Variants in TBCD observed in about 807,000 individuals in gnomAD.
TBCD encodes the protein tubulin-specific chaperone D.
In TBCD, 105 loss-of-function variants were observed where a neutral mutation model predicts 169.3. That is an observed-to-expected ratio of 0.62 (90% CI 0.53 to 0.73). TBCD has a LOEUF of 0.73. Ranked by LOEUF, TBCD falls within the 30% of genes least tolerant of loss-of-function variation. TBCD has a pLI of 0.00. For missense variants in TBCD, 1,444 were observed against 1,600.1 expected (o/e 0.90, Z 1.66); for synonymous variants, 700 against 643.9 (o/e 1.09, Z -1.32).
Position 82,860,594 on chromosome 17 carries a change from C to T in TBCD, c.1319-9630C>T, listed in dbSNP as rs1389842962. 7 of 281,690 alleles carry T rather than the reference C, an allele frequency of 2.5e-5. No homozygotes were observed. The Admixed American group carries it at 4.5e-4, about 18-fold the overall frequency. 17.4% of individuals were successfully genotyped at this position (281,690 alleles called of 1,614,324 possible). A position where few individuals can be genotyped will look rare whatever the true frequency, so the allele number is the denominator to read the frequency against. On this transcript the variant is annotated intron_variant, in intron 13 of 38. Transcript: ENST00000355528. ...GGCTGGCCACACTGGAATCCAGTGC[C>T]CACTGTGACAGTGGAGAGCCAGCAG...
At chr17:82,754,667 G>T (rs2047309075) in intron 1 of TBCD, among the ~76,000 whole-genome samples, 1 of 152,230 alleles carries the variant, frequency 6.6e-6, no homozygotes, top group Non-Finnish European at 1.5e-5. Flanking sequence ...GCAGCTTGAA[G>T]ACTAAAGGCA....
At chr17:82,828,682 T>G (rs1262771474) in intron 13 of TBCD, among the ~76,000 whole-genome samples, 1 of 148,654 alleles carries the variant, frequency 6.7e-6, no homozygotes, top group Non-Finnish European at 1.5e-5. Context: ...ACCCACAGAA[T>G]CGAGTGTGCA....
At chr17:82,809,457 G>C (rs1275370697) in intron 11 of TBCD, among the ~76,000 whole-genome samples, 2 of 152,166 alleles carry the variant, frequency 1.3e-5, no homozygotes, top group Non-Finnish European at 2.9e-5. Flanking sequence ...CCGCGTTACA[G>C]TGGTACATGG....
intron 38 of TBCD, 172 bp downstream of exon 38, chr17:82,941,655 C>T: frequency 1.6e-6 from 1 of 628,056 alleles, no homozygotes; most frequent in Non-Finnish European, 2.7e-6. Context: ...TCTCTGGCCA[C>T]TGCCCACACC....
rs534880615 is a variant in TBCD at position 82,752,140 on chromosome 17, C to T, written c.-54C>T. ...TTCATCCCTGGCTTTCGCGCTCTAGCGGAGTGGGATCTGCGAACACGTGAG... is the reference window on the plus strand; with the variant it reads ...TTCATCCCTGGCTTTCGCGCTCTAGTGGAGTGGGATCTGCGAACACGTGAG... On this transcript the variant is annotated 5_prime_UTR_variant, in exon 1 of 39. Coordinates refer to ENST00000355528, the MANE Select transcript of TBCD (RefSeq NM_005993.5). The T allele has an allele frequency of 2.8e-5, 40 of 1,453,110 alleles. No homozygotes were observed. The African/African-American group carries it at 4.6e-4, about 17-fold the overall frequency. 90.0% of individuals were successfully genotyped at this position (1,453,110 alleles called of 1,614,324 possible).
At chr17:82,781,010 A>G (rs2048911858) in intron 6 of TBCD, among the ~76,000 whole-genome samples, 2 of 151,822 alleles carry the variant, frequency 1.3e-5, no homozygotes, top group Non-Finnish European at 2.9e-5. Context: ...CCGGGCTGCA[A>G]GAGGGGTGGG....
In TBCD at chr17:82,927,266, C is replaced by T. The variant is rs774414076; in HGVS notation, c.2552C>T (p.Ala851Val). 3.3e-5 allele frequency: 53 copies of T among 1,613,868 alleles called. No individual in the cohort carries two copies. The highest frequency in any genetic ancestry group is 5.5e-5 in the South Asian group (5 of 91,078). The change falls in exon 29 of 39, where the codon GCG (alanine) becomes GTG (valine). Residue 851 changes from alanine (A) to valine (V), a missense_variant. By Grantham distance (64) the Ala-to-Val change is moderately conservative. Coordinates refer to ENST00000355528, the MANE Select transcript of TBCD (RefSeq NM_005993.5). The part of the protein sequence containing the change: ...CGENVSQIYC[A>V]LLGCMDDYTT... ...GAGAATGTTTCCCAGATTTACTGTG[C>T]GCTGCTGGGCTGCATGGACGACTAC... is the stretch of plus-strand genomic sequence containing the variant.
intron 9 of TBCD, among the ~76,000 whole-genome samples, chr17:82,802,359 G>A (rs952667579): frequency 2.0e-5 from 3 of 152,058 alleles, no homozygotes; most frequent in Non-Finnish European, 4.4e-5. Context: ...TTCCAGAGAC[G>A]CGTGTTGTGT....
chr17:82,881,842 TTC>T (rs375630403), intron 14 of TBCD, among the ~76,000 whole-genome samples: 166 of 152,322 alleles, frequency 1.1e-3, no homozygotes, highest in African/African-American at 3.9e-3. Flanking sequence ...ATCTATGAAT[TTC>T]TGTTTTTATT....
At chr17:82,775,376 A>C (rs1598433543) in intron 6 of TBCD, among the ~76,000 whole-genome samples, 1 of 151,510 alleles carries the variant, frequency 6.6e-6, no homozygotes, top group South Asian at 2.1e-4. Context: ...TTCCCTCGAC[A>C]CCTCCCAGAC....
chr17:82,794,257 G>A (rs192007000), intron 7 of TBCD, among the ~76,000 whole-genome samples: 23 of 152,190 alleles, frequency 1.5e-4, no homozygotes, highest in Admixed American at 3.3e-4. Flanking sequence ...CATGCCCCAG[G>A]GGGGGGAAGC....
rs112191463 is a variant in TBCD, at chr17:82,880,677, G to A, written c.1476-3468G>A. Among the ~76,000 whole-genome samples, 129 of 152,238 alleles carry A rather than the reference G, an allele frequency of 8.5e-4. 2 individuals are homozygous for A. The East Asian group carries it at 0.019, about 23-fold the overall frequency. On this transcript the variant is annotated intron_variant, in intron 14 of 38. Coordinates refer to ENST00000355528, the MANE Select transcript of TBCD (RefSeq NM_005993.5). This position sits in a 1 kb window ranked among gnomAD's most constrained non-coding sequence, Gnocchi z 5.0. ...GGTGCTGGGCCCGGAGGTATCAGCA[G>A]GAACTGCAGGGTCCCTACCGCAGGC...
intron 9 of TBCD, 135 bp downstream of exon 9, chr17:82,801,131 G>A (rs1209978303): frequency 2.3e-6 from 2 of 868,036 alleles, no homozygotes; most frequent in South Asian, 1.9e-5. Context: ...GCCCTGTTGC[G>A]GGGTGGGGGA....
chr17:82,945,425 C>T lies in TBCD; in HGVS notation c.*2962C>T, dbSNP rs2063624710. On this transcript the variant is annotated 3_prime_UTR_variant, in exon 39 of 39. Transcript: ENST00000355528. ...GACCTGCCACAGTGAAACTGCAGAA[C>T]TGTAAGAAGGACAGAGTGATATAAA... The T allele has an allele frequency of 3.3e-5, 5 of 152,198 alleles. No individual in the cohort carries two copies. Among genetic ancestry groups the T allele is most frequent in the Admixed American group, 3.3e-4 (5 of 15,284 alleles). The allele number at this position is 152,198 out of a possible 1,614,324, so 9.4% of individuals were successfully genotyped here.
rs2057789700 is a variant in TBCD, at chr17:82,874,029, T to C, written c.1475+3649T>C. 6.6e-6 allele frequency among the ~76,000 whole-genome samples: 1 copy of C among 152,186 alleles called. No individual in the cohort carries two copies. Among genetic ancestry groups the C allele is most frequent in the Admixed American group, 6.5e-5 (1 of 15,284 alleles). Reference sequence around the variant, plus strand: ...GAGGGTCCTGACTGGGGCTCCTCTTTTGGAGCAGCTGCCACGTGTGGACCG... The same window carrying C: ...GAGGGTCCTGACTGGGGCTCCTCTTCTGGAGCAGCTGCCACGTGTGGACCG... On this transcript the variant is annotated intron_variant, in intron 14 of 38. Coordinates refer to ENST00000355528, the MANE Select transcript of TBCD (RefSeq NM_005993.5). The surrounding 1 kb of genome is among the most constrained non-coding windows in gnomAD (Gnocchi z 5.0).
chr17:82,879,747 T>C (rs1433673315), intron 14 of TBCD, among the ~76,000 whole-genome samples: 1 of 152,228 alleles, frequency 6.6e-6, no homozygotes, highest in Non-Finnish European at 1.5e-5. Flanking sequence ...TCCCCAACCC[T>C]GGGCCAACAT....
At chr17:82,773,770 A>C (rs1470664581) in intron 6 of TBCD, among the ~76,000 whole-genome samples, 1 of 151,114 alleles carries the variant, frequency 6.6e-6, no homozygotes, top group Non-Finnish European at 1.5e-5. Context: ...TTTGTCTCCC[A>C]GGCTGGAGTG....
chr17:82,901,240 A>G (rs900968768), intron 18 of TBCD, among the ~76,000 whole-genome samples: 2 of 152,222 alleles, frequency 1.3e-5, no homozygotes, highest in African/African-American at 4.8e-5. Flanking sequence ...TCTGGAGCAT[A>G]AACAGCGCGT....
intron 17 of TBCD, among the ~76,000 whole-genome samples, chr17:82,898,124 G>T (rs954623865): frequency 6.7e-6 from 1 of 149,860 alleles, no homozygotes; most frequent in African/African-American, 2.5e-5. Flanking sequence ...TCCCCGGCTG[G>T]TTTTCTGGTT....
Sources: gnomAD v4.1 joint callset for allele counts (sites outside exome capture counted in the v4.1 genomes callset) on GRCh38, gnomAD v4.1.1 for gene constraint, Gnocchi (gnomAD v3.1) non-coding constraint, MANE v1.5 for transcripts, NCBI Gene and HGNC (gene_info 2026-07-23, HGNC 2026-07-21) for gene names.